The following FBN1 variants were observed in gnomAD, a reference collection of about 807,000 sequenced individuals.
FBN1 encodes fibrillin 1, also known as fibrillin-1.
Under a neutral mutation model 365.1 loss-of-function variants are expected in FBN1, and 29 were observed. The observed-to-expected ratio is 0.08, with a 90% CI of 0.06 to 0.11. The LOEUF (loss-of-function observed/expected upper bound fraction) is 0.11. Ranked by LOEUF, FBN1 falls within the 10% of genes least tolerant of loss-of-function variation. The pLI is 1.00. For missense variants in FBN1, 2,476 were observed against 3,703.2 expected (o/e 0.67, Z 8.60); for synonymous variants, 1,210 against 1,270.5 (o/e 0.95, Z 1.01).
intron 8 of FBN1, among the ~76,000 whole-genome samples, chr15:48,532,854 TAGAA>T (rs1193113772): frequency 3.9e-5 from 6 of 152,330 alleles, no homozygotes; most frequent in East Asian, 3.9e-4. Flanking sequence ...AAGAAGTCTT[TAGAA>T]AGAACTATTT....
At chr15:48,474,136 A>G in intron 34 of FBN1, 119 bp downstream of exon 34, 1 of 1,488,314 alleles carries the variant, frequency 6.7e-7, no homozygotes, top group Non-Finnish European at 9.3e-7. Context: ...CTAGTGCCAA[A>G]TGATGAATCT....
At chr15:48,571,845 G>A (rs2044307906) in intron 6 of FBN1, among the ~76,000 whole-genome samples, 1 of 152,070 alleles carries the variant, frequency 6.6e-6, no homozygotes. Context: ...TAAAGCTAAG[G>A]GTAGAGCCCA....
intron 6 of FBN1, among the ~76,000 whole-genome samples, chr15:48,589,831 T>C (rs994747058): frequency 1.3e-5 from 2 of 151,926 alleles, no homozygotes; most frequent in Non-Finnish European, 2.9e-5. Flanking sequence ...AGAGCCAGGA[T>C]GGTCTCGATC....
intron 6 of FBN1, among the ~76,000 whole-genome samples, chr15:48,554,398 A>C (rs932112381): frequency 2.0e-5 from 3 of 152,224 alleles, no homozygotes; most frequent in African/African-American, 7.2e-5. Context: ...TGAGCTAACA[A>C]AGCCTTCAGT....
chr15:48,606,349 G>C (rs2044609408), intron 4 of FBN1, among the ~76,000 whole-genome samples: 1 of 152,088 alleles, frequency 6.6e-6, no homozygotes, highest in African/African-American at 2.4e-5. Flanking sequence ...CCTTCAATAG[G>C]TGAATGGCCA....
At chr15:48,628,804 T>C (rs1272723999) in intron 2 of FBN1, among the ~76,000 whole-genome samples, 1 of 151,928 alleles carries the variant, frequency 6.6e-6, no homozygotes, top group African/African-American at 2.4e-5. Flanking sequence ...CCCTAATAGA[T>C]CTAGAAAACG....
intron 58 of FBN1, 74 bp downstream of exon 58, chr15:48,427,493 T>G (rs1037249236): frequency 1.1e-5 from 16 of 1,495,168 alleles, no homozygotes; most frequent in Non-Finnish European, 1.3e-5. Flanking sequence ...AAACTCCATA[T>G]TTTCATCTGT....
rs886039155 is a variant in FBN1, at chr15:48,516,315, G to C, written c.1195C>G (p.Pro399Ala). 3 of 1,613,830 alleles carry C rather than the reference G, an allele frequency of 1.9e-6. No individual in the cohort carries two copies. The highest frequency in any genetic ancestry group is 1.7e-5 in the Admixed American group (1 of 60,010). The part of the protein sequence containing the change: ...CSVPMVIPGR[P>A]EYPPPPLGPI... ...CCAAGGGGTGGGGGAGGATATTCTG[G>C]TCTCCCAGGAATTACCATAGGAACA... The change falls in exon 11 of 66, where the codon CCA (proline) becomes GCA (alanine). Residue 399 changes from proline (P) to alanine (A), a missense_variant. Pro to Ala is a conservative substitution (Grantham distance 27). This residue lies in a region of FBN1 where 421 missense variants were observed against 520.1 expected (regional missense o/e 0.81). Coordinates refer to ENST00000316623, the MANE Select transcript of FBN1 (RefSeq NM_000138.5).
chr15:48,585,860 T>C (rs1465217141), intron 6 of FBN1, among the ~76,000 whole-genome samples: 1 of 152,212 alleles, frequency 6.6e-6, no homozygotes, highest in Non-Finnish European at 1.5e-5. Flanking sequence ...AATTATTTCA[T>C]ATTTTAAAAT....
intron 6 of FBN1, 99 bp downstream of exon 6, chr15:48,596,184 A>T (rs1597623585): frequency 1.9e-6 from 2 of 1,060,250 alleles, no homozygotes; most frequent in East Asian, 4.8e-5. Flanking sequence ...AAGCTCAGCA[A>T]CATTCAGGAA....
chr15:48,536,460 T>C (rs1184899483), intron 7 of FBN1, among the ~76,000 whole-genome samples: 1 of 152,226 alleles, frequency 6.6e-6, no homozygotes, highest in African/African-American at 2.4e-5. Context: ...GGGTATTAGC[T>C]AACTTTGTAA....
At position 48,438,768 on chromosome 15, in the gene FBN1, T is replaced by C. The variant is rs560259623; in HGVS notation, c.6164-851A>G. On this transcript the variant is annotated intron_variant, in intron 50 of 65. Coordinates refer to ENST00000316623, the MANE Select transcript of FBN1 (RefSeq NM_000138.5). ...CTACTTCCTATAAAATTCTCCAACA[T>C]TGCTTGACATAATTTTGGAAACGGG... Among the ~76,000 whole-genome samples the C allele has an allele frequency of 2.9e-3, 441 of 152,280 alleles. 4 individuals carry two copies. The highest frequency in any genetic ancestry group is 0.01 in the African/African-American group (427 of 41,556).
intron 6 of FBN1, among the ~76,000 whole-genome samples, chr15:48,550,134 G>C (rs1566925072): frequency 6.6e-6 from 1 of 152,242 alleles, no homozygotes; most frequent in Non-Finnish European, 1.5e-5. Flanking sequence ...TTCGTCTCGA[G>C]TTAGACACAT....
At chr15:48,627,220 AAGAC>A (rs1889901791) in intron 2 of FBN1, among the ~76,000 whole-genome samples, 1 of 152,236 alleles carries the variant, frequency 6.6e-6, no homozygotes, top group South Asian at 2.1e-4. Flanking sequence ...ATAAATAAAT[AAGAC>A]AGTGTTTTGG....
intron 53 of FBN1, 56 bp from the exon 54 acceptor site, chr15:48,434,769 T>C (rs1248607766): frequency 6.3e-7 from 1 of 1,598,670 alleles, no homozygotes; most frequent in Non-Finnish European, 8.6e-7. Flanking sequence ...ATACCTTTTA[T>C]TCTATCAGAG....
rs534363891 is a variant in FBN1 at position 48,621,859 on chromosome 15, G to A, written c.165-8767C>T. On this transcript the variant is annotated intron_variant, in intron 2 of 65. Transcript: ENST00000316623. The stretch of plus-strand genomic sequence containing the variant: ...AAAAAAAAAAAAAAATTAGCCGGGC[G>A]TGGTGGCGGGCGCCTGTAGTCCCAG... 5.4e-4 allele frequency among the ~76,000 whole-genome samples: 82 copies of A among 151,620 alleles called. 1 individual carries two copies. The South Asian group carries it at 0.016, about 30-fold the overall frequency.
Position 48,503,954 on chromosome 15 carries a change from G to T in FBN1, c.1961-15C>A. The T allele has an allele frequency of 1.2e-6, 2 of 1,613,936 alleles. No individual in the cohort carries two copies. Among genetic ancestry groups the T allele is most frequent in the Non-Finnish European group, 1.7e-6 (2 of 1,179,998 alleles). On this transcript the variant is annotated splice_polypyrimidine_tract_variant and intron_variant, in intron 16 of 65. Transcript: ENST00000316623. ...CATGTGTGTGTCTAAACAGGAAGAA[G>T]CATCTGTCATCACACTGTCACTTCA...
chr15:48,438,323 G>C (rs1302701045), intron 50 of FBN1, among the ~76,000 whole-genome samples: 5 of 152,140 alleles, frequency 3.3e-5, no homozygotes, highest in African/African-American at 9.7e-5. Context: ...GAGCACACTA[G>C]AGTAAGAGAA....
intron 59 of FBN1, 124 bp from the exon 60 acceptor site, chr15:48,425,615 T>C: frequency 1.9e-6 from 3 of 1,540,830 alleles, no homozygotes; most frequent in Non-Finnish European, 1.8e-6. Flanking sequence ...GTGTAGACTT[T>C]GATGATTGTC....
Sources: allele counts gnomAD v4.1 joint callset (sites outside exome capture counted in the v4.1 genomes callset), GRCh38; gene constraint gnomAD v4.1.1; regional missense constraint gnomAD v4.1.1; transcripts MANE v1.5; gene names NCBI Gene and HGNC (gene_info 2026-07-23, HGNC 2026-07-21).